The following TMEM164 variants were observed in gnomAD, a reference collection of about 807,000 sequenced individuals.
TMEM164 encodes transmembrane protein 164, also known as RP13-360B22.2.
In TMEM164, 4 loss-of-function variants were observed where a neutral mutation model predicts 18.8. The ratio of observed to expected loss-of-function variants is 0.21; its 90% CI spans 0.10 to 0.49. The LOEUF is 0.49. Among genes scored for constraint, TMEM164 ranks in the 20% least tolerant of loss-of-function variants. The pLI is 0.98. For synonymous variants in TMEM164, 86 were observed against 101.7 expected (o/e 0.85, Z 0.93); for missense variants, 108 against 239.9 (o/e 0.45, Z 3.63).
At chrX:110,007,517 G>A (rs1305056633) in intron 2 of TMEM164, among the ~76,000 whole-genome samples, 2 of 112,203 alleles carry the variant, frequency 1.8e-5, no homozygotes, top group Non-Finnish European at 3.8e-5. Context: ...ATTTTGGCAG[G>A]TATGGGTGAC....
In TMEM164 at chrX:110,105,750, T is replaced by TGAGAGAGAGAGAGA. The variant is rs59866982; in HGVS notation, c.441-3299_441-3286dup. On this transcript the variant is annotated intron_variant, in intron 3 of 6. Coordinates refer to ENST00000372068, the MANE Select transcript of TMEM164 (RefSeq NM_032227.4). ...CACACACAGAGAGAGAGAGAGAGAA[T>TGAGAGAGAGAGAGA]GAGAGAGAGAGAGAGAGAGAGAGAG... Among the ~76,000 whole-genome samples the TGAGAGAGAGAGAGA allele has an allele frequency of 6.9e-5, 5 of 72,171 alleles. No homozygotes were observed. In the East Asian group the frequency reaches 1.9e-3, roughly 28 times the overall value. 62.7% of individuals were successfully genotyped at this position (72,171 alleles called of 115,157 possible). A position where few individuals can be genotyped will look rare whatever the true frequency, so the allele number is the denominator to read the frequency against.
chrX:110,045,537 GAAC>G (rs1371304436), intron 2 of TMEM164, among the ~76,000 whole-genome samples: 1 of 111,985 alleles, frequency 8.9e-6, no homozygotes, highest in African/African-American at 3.3e-5. Flanking sequence ...CAGCAGCCAT[GAAC>G]TGTGCCAGAG....
At chrX:110,037,916 G>C (rs1260023525) in intron 2 of TMEM164, among the ~76,000 whole-genome samples, 1 of 110,275 alleles carries the variant, frequency 9.1e-6, no homozygotes, top group Non-Finnish European at 1.9e-5. Context: ...TTCCATAACT[G>C]CATCGTGACC....
chrX:110,069,884 A>G (rs1329134379), intron 3 of TMEM164, among the ~76,000 whole-genome samples: 1 of 111,597 alleles, frequency 9.0e-6, no homozygotes, highest in Non-Finnish European at 1.9e-5. Context: ...AATGATCCCT[A>G]TTTTACCCTG....
intron 2 of TMEM164, among the ~76,000 whole-genome samples, chrX:110,024,989 T>TGG (rs1362786541): frequency 1.6e-5 from 1 of 61,637 alleles, no homozygotes; most frequent in African/African-American, 7.3e-5. Flanking sequence ...TTGTTATTGT[T>TGG]GGGTGTGTGT....
At position 110,118,193 on chromosome X, in the gene TMEM164, G is replaced by A. The variant is rs748791996; in HGVS notation, c.507+9047G>A. ...CTCCCAAAGTGCTGTGATTACAGGC[G>A]TAAGCCACCATGCCTGGCCCAGTAT... On this transcript the variant is annotated intron_variant, in intron 4 of 6. Coordinates refer to ENST00000372068, the MANE Select transcript of TMEM164 (RefSeq NM_032227.4). Among the ~76,000 whole-genome samples the A allele has an allele frequency of 1.2e-4, 13 of 112,592 alleles. No individual in the cohort carries two copies. In the East Asian group the frequency reaches 2.0e-3, roughly 17 times the overall value.
chrX:110,052,052 C>T (rs1935585740), intron 2 of TMEM164, among the ~76,000 whole-genome samples: 1 of 111,517 alleles, frequency 9.0e-6, no homozygotes, highest in African/African-American at 3.3e-5. Context: ...TATTTTTATT[C>T]TAAAAATGGG....
At chrX:110,065,024 CCTTCTATG>C (rs1405055393) in intron 2 of TMEM164, 2 of 102,989 alleles carry the variant, frequency 1.9e-5, no homozygotes, top group Non-Finnish European at 3.9e-5. Flanking sequence ...AAAAAAGATA[CCTTCTATG>C]CTGCTATGCT....
At chrX:110,013,344 G>T (rs184291403) in intron 2 of TMEM164, among the ~76,000 whole-genome samples, 1 of 112,207 alleles carries the variant, frequency 8.9e-6, no homozygotes, top group East Asian at 2.8e-4. Context: ...GGCTCTGGGA[G>T]TCCTGGGTAA....
At chrX:110,091,669 T>G (rs1002825480) in intron 3 of TMEM164, among the ~76,000 whole-genome samples, 3 of 112,339 alleles carry the variant, frequency 2.7e-5, no homozygotes, top group Non-Finnish European at 5.6e-5. Flanking sequence ...GCCTGTTCAT[T>G]CTGATGTTGG....
chrX:110,121,692 A>C (rs574054026), intron 4 of TMEM164, among the ~76,000 whole-genome samples: 2 of 112,124 alleles, frequency 1.8e-5, no homozygotes, highest in African/African-American at 6.5e-5. Flanking sequence ...TCTGCTTTGG[A>C]GTATGTACCT....
chrX:110,123,767 G>A lies in TMEM164; in HGVS notation c.507+14621G>A, dbSNP rs183300185. On this transcript the variant is annotated intron_variant, in intron 4 of 6. Coordinates refer to ENST00000372068, the MANE Select transcript of TMEM164 (RefSeq NM_032227.4). ...CTCAGGAGGAAGGATCACTTGAGCC[G>A]AAGTGTTGAGACCAGCCTGGGCAAC... Among the ~76,000 whole-genome samples, 73 of 111,433 alleles carry A rather than the reference G, an allele frequency of 6.6e-4. 2 individuals are homozygous for A. The Admixed American group carries it at 6.7e-3, about 10-fold the overall frequency.
intron 2 of TMEM164, among the ~76,000 whole-genome samples, chrX:110,050,710 T>C (rs765367259): frequency 1.8e-5 from 2 of 111,920 alleles, no homozygotes; most frequent in Non-Finnish European, 3.8e-5. Context: ...TGCTTTGCAA[T>C]TGGGTCAGGT....
At chrX:110,090,859 G>GC (rs1200726397) in intron 3 of TMEM164, among the ~76,000 whole-genome samples, 105 of 95,195 alleles carry the variant, frequency 1.1e-3, no homozygotes, top group African/African-American at 4.0e-3. Flanking sequence ...CCCTCCCCCA[G>GC]CCCCCCACCC....
At chrX:110,051,593 A>AAAAAGAAAGAAAGAAAG (rs1555991740) in intron 2 of TMEM164, among the ~76,000 whole-genome samples, 7 of 102,988 alleles carry the variant, frequency 6.8e-5, no homozygotes, top group African/African-American at 2.4e-4. Context: ...CAAAAAAAAA[A>AAAAAGAAAGAAAGAAAG]AAAGAAAGAA....
intron 3 of TMEM164, among the ~76,000 whole-genome samples, chrX:110,094,077 T>C (rs1187924185): frequency 8.9e-6 from 1 of 111,792 alleles, no homozygotes; most frequent in African/African-American, 3.3e-5. Context: ...TCTGTTCTTT[T>C]ACATTTGCTG....
intron 5 of TMEM164, among the ~76,000 whole-genome samples, chrX:110,168,605 T>C (rs2067189369): frequency 8.9e-6 from 1 of 112,884 alleles, no homozygotes; most frequent in Non-Finnish European, 1.9e-5. Flanking sequence ...AAGGGCCTTC[T>C]GACTCAGATG....
rs183691764 is a variant in TMEM164 at position 110,139,207 on chromosome X, A to G, written c.508-5591A>G. ...AGAAAAACAGACAATTGCTGGTATG[A>G]CATTCTTGAGTAGGTGAGAAAGGAT... On this transcript the variant is annotated intron_variant, in intron 4 of 6. Coordinates refer to ENST00000372068, the MANE Select transcript of TMEM164 (RefSeq NM_032227.4). Among the ~76,000 whole-genome samples, 31 of 112,386 alleles carry G rather than the reference A, an allele frequency of 2.8e-4. No homozygotes were observed. In the Admixed American group the frequency reaches 2.9e-3, roughly 11 times the overall value.
At chrX:110,119,133 T>C (rs993382795) in intron 4 of TMEM164, among the ~76,000 whole-genome samples, 3 of 112,059 alleles carry the variant, frequency 2.7e-5, no homozygotes, top group Non-Finnish European at 3.8e-5. Context: ...ACATATTTAC[T>C]GTTGAAAATT....
Sources: gnomAD v4.1 joint callset for allele counts (sites outside exome capture counted in the v4.1 genomes callset) on GRCh38, gnomAD v4.1.1 for gene constraint, MANE v1.5 for transcripts, NCBI Gene and HGNC (gene_info 2026-07-23, HGNC 2026-07-21) for gene names.